Variants in PROS1 observed in about 807,000 individuals in gnomAD.
PROS1 encodes the protein protein S, also known as vitamin K-dependent protein S.
In PROS1, 29 loss-of-function variants were observed where a neutral mutation model predicts 75.9. The observed-to-expected ratio is 0.38, with a 90% CI of 0.28 to 0.52. The LOEUF is 0.52. PROS1 is among the 20% of genes least tolerant of loss of function. The pLI, the probability that PROS1 is intolerant of heterozygous loss-of-function variation, is 0.83. For synonymous variants in PROS1, 245 were observed against 280.6 expected (o/e 0.87, Z 1.27); for missense variants, 680 against 810.3 (o/e 0.84, Z 1.95).
chr3:93,956,589 C>CACAGAAA (rs58358280), intron 1 of PROS1, among the ~76,000 whole-genome samples: 1 of 147,532 alleles, frequency 6.8e-6, no homozygotes, highest in Non-Finnish European at 1.5e-5. Context: ...CACACACACA[C>CACAGAAA]GTTATCAGAA....
intron 1 of PROS1, among the ~76,000 whole-genome samples, chr3:93,931,426 G>A (rs1156469779): frequency 2.0e-5 from 3 of 152,204 alleles, no homozygotes; most frequent in African/African-American, 2.4e-5. Context: ...AAAAGACATA[G>A]TAATTAACAT....
intron 6 of PROS1, among the ~76,000 whole-genome samples, chr3:93,903,656 CCTAT>C (rs1384049105): frequency 6.6e-6 from 1 of 151,934 alleles, no homozygotes; most frequent in African/African-American, 2.4e-5. Flanking sequence ...AGAGCAAAAC[CCTAT>C]CTATCTTAAA....
chr3:93,892,588 C>T (rs1708446433), intron 10 of PROS1, among the ~76,000 whole-genome samples: 1 of 150,888 alleles, frequency 6.6e-6, no homozygotes, highest in Non-Finnish European at 1.5e-5. Flanking sequence ...CACGCCACTG[C>T]ACTCCAGCCT....
intron 1 of PROS1, among the ~76,000 whole-genome samples, chr3:93,966,809 CAAAA>C (rs752321696): frequency 3.9e-5 from 3 of 76,522 alleles, no homozygotes; most frequent in Non-Finnish European, 2.7e-5. Context: ...GACTCTGTTC[CAAAA>C]AAAAAAAAAA....
chr3:93,966,699 GAACC>G (rs1709795533), intron 1 of PROS1, among the ~76,000 whole-genome samples: 1 of 151,114 alleles, frequency 6.6e-6, no homozygotes, highest in South Asian at 2.1e-4. Context: ...CAACATGGTG[GAACC>G]CCATCTCTAC....
At chr3:93,915,095 G>A (rs1251848341) in intron 3 of PROS1, among the ~76,000 whole-genome samples, 1 of 152,040 alleles carries the variant, frequency 6.6e-6, no homozygotes, top group African/African-American at 2.4e-5. Flanking sequence ...AAATATTTTT[G>A]CCCTGATTCC....
At chr3:93,941,751 G>T (rs1709291506) in intron 1 of PROS1, among the ~76,000 whole-genome samples, 1 of 152,120 alleles carries the variant, frequency 6.6e-6, no homozygotes, top group Non-Finnish European at 1.5e-5. Context: ...ACTGTTTTAG[G>T]CTGGCCATCA....
chr3:93,918,319 G>T (rs1479461763), intron 3 of PROS1, among the ~76,000 whole-genome samples: 1 of 152,056 alleles, frequency 6.6e-6, no homozygotes, highest in Non-Finnish European at 1.5e-5. Flanking sequence ...CAGGATGTGG[G>T]TGGGGCCAGA....
At chr3:93,924,756 G>A (rs1434600509) in intron 2 of PROS1, among the ~76,000 whole-genome samples, 2 of 150,134 alleles carry the variant, frequency 1.3e-5, no homozygotes, top group African/African-American at 4.9e-5. Flanking sequence ...TTACCCTCCT[G>A]GGCTCAAGTA....
intron 4 of PROS1, 106 bp downstream of exon 4, chr3:93,910,513 C>A: frequency 5.4e-6 from 5 of 920,294 alleles, no homozygotes; most frequent in Non-Finnish European, 8.7e-6. Flanking sequence ...TACAACCCAT[C>A]AAAGGATCAT....
chr3:93,894,291 A>G lies in PROS1; in HGVS notation c.966-1169T>C, dbSNP rs548934745. Reference sequence around the variant, plus strand: ...GTTTTCATCTTTAGAATTCCAAAGAAATATTTAAAAAGAGGTAAAATGTGG... The same window carrying G: ...GTTTTCATCTTTAGAATTCCAAAGAGATATTTAAAAAGAGGTAAAATGTGG... On this transcript the variant is annotated intron_variant, in intron 9 of 14. Transcript: ENST00000394236. 2.5e-4 allele frequency among the ~76,000 whole-genome samples: 38 copies of G among 152,288 alleles called. No individual in the cohort carries two copies. In the East Asian group the frequency reaches 6.2e-3, roughly 25 times the overall value.
At chr3:93,940,796 T>A (rs1709272244) in intron 1 of PROS1, among the ~76,000 whole-genome samples, 1 of 152,120 alleles carries the variant, frequency 6.6e-6, no homozygotes, top group Non-Finnish European at 1.5e-5. Flanking sequence ...CTGTTATCAC[T>A]CACCTGCTAC....
At chr3:93,920,827 A>G (rs1708935817) in intron 3 of PROS1, among the ~76,000 whole-genome samples, 1 of 151,288 alleles carries the variant, frequency 6.6e-6, no homozygotes, top group Non-Finnish European at 1.5e-5. Flanking sequence ...TTCTCATGCT[A>G]ATTTGCTCAA....
chr3:93,876,853 A>T, intron 14 of PROS1, 113 bp downstream of exon 14: 1 of 725,878 alleles, frequency 1.4e-6, no homozygotes, highest in Non-Finnish European at 2.2e-6. Context: ...AGAATAATGA[A>T]TACTGGATTT....
At chr3:93,886,910 C>CTT (rs1297839394) in intron 10 of PROS1, among the ~76,000 whole-genome samples, 82 of 130,550 alleles carry the variant, frequency 6.3e-4, no homozygotes, top group Middle Eastern at 4.1e-3. Context: ...TAAATAAGTT[C>CTT]TTTTTTTTTT....
At chr3:93,954,731 C>G (rs1386577089) in intron 1 of PROS1, among the ~76,000 whole-genome samples, 1 of 152,128 alleles carries the variant, frequency 6.6e-6, no homozygotes, top group Non-Finnish European at 1.5e-5. Flanking sequence ...CAAATGGGAT[C>G]TAATTAAACT....
At chr3:93,923,620 G>A (rs1234703173) in intron 3 of PROS1, among the ~76,000 whole-genome samples, 1 of 152,088 alleles carries the variant, frequency 6.6e-6, no homozygotes, top group African/African-American at 2.4e-5. Context: ...AGCAGCTAAG[G>A]CTGGGCAGGG....
At chr3:93,880,140 CT>C (rs1708254815) in intron 12 of PROS1, among the ~76,000 whole-genome samples, 1 of 152,108 alleles carries the variant, frequency 6.6e-6, no homozygotes, top group African/African-American at 2.4e-5. Flanking sequence ...AATCATTTTC[CT>C]TTGACAAGAT....
intron 1 of PROS1, among the ~76,000 whole-genome samples, chr3:93,947,024 T>C (rs1334715160): frequency 6.6e-6 from 1 of 152,114 alleles, no homozygotes; most frequent in Non-Finnish European, 1.5e-5. Context: ...AACAGAAACT[T>C]CTCAAAAGAA....
Sources: gnomAD v4.1 joint callset for allele counts (sites outside exome capture counted in the v4.1 genomes callset) on GRCh38, gnomAD v4.1.1 for gene constraint, MANE v1.5 for transcripts, NCBI Gene and HGNC (gene_info 2026-07-23, HGNC 2026-07-21) for gene names.